The following NMT2 variants were observed in gnomAD, a reference collection of about 807,000 sequenced individuals.
NMT2 encodes the protein glycylpeptide N-tetradecanoyltransferase 2.
A neutral mutation model predicts 65.4 loss-of-function variants in NMT2; 35 were observed. The observed-to-expected ratio is 0.54, with a 90% confidence interval of 0.41 to 0.71. NMT2 has a LOEUF of 0.71. Among genes scored for constraint, NMT2 ranks in the 30% least tolerant of loss-of-function variants. NMT2 has a pLI of 0.00. For missense variants in NMT2, 489 were observed against 611.3 expected, an observed-to-expected ratio of 0.80 and a Z score of 2.11; for synonymous variants, 226 against 231.8, an observed-to-expected ratio of 0.98 and a Z score of 0.23.
intron 1 of NMT2, among the ~76,000 whole-genome samples, chr10:15,153,906 C>A (rs991390296): frequency 2.0e-5 from 3 of 148,360 alleles, no homozygotes; most frequent in Admixed American, 6.6e-5. Flanking sequence ...ACCCGCCTCG[C>A]CCCCCAAAGT....
intron 3 of NMT2, 31 bp from the exon 4 acceptor site, chr10:15,133,394 G>C (rs1359223118): frequency 6.0e-6 from 9 of 1,504,830 alleles, no homozygotes; most frequent in Non-Finnish European, 8.3e-6. Context: ...AAAAAAGAAA[G>C]GCAAAAAGCG....
chr10:15,112,834 G>A lies in NMT2; in HGVS notation c.1300C>T (p.Leu434=). The A allele has an allele frequency of 6.2e-7, 1 of 1,614,078 alleles. No homozygotes were observed. The highest frequency in any genetic ancestry group is 8.5e-7 in the Non-Finnish European group (1 of 1,179,984). The change falls in exon 10 of 12, where the codon CTG becomes TTG. Residue 434 remains leucine, a synonymous_variant. Transcript: ENST00000378165. The stretch of plus-strand genomic sequence containing the variant: ...ATGAGCGCGTCGCTCATGAGGTCCA[G>A]CAGGGGCGTCTCTGTGTGGATGTTG... ...FYNIHTETPL[L]DLMSDALILA...
At position 15,109,749 on chromosome 10, in the gene NMT2, G is replaced by A. The variant is rs751092719; in HGVS notation, c.1429C>T (p.Gln477Ter). 1 of 1,613,498 alleles carries A rather than the reference G, an allele frequency of 6.2e-7. No homozygotes were observed. Reference sequence around the variant, plus strand: ...CACCTCCAATTGTACAGGTAATACTGCAAATTGCCATCTCCTATACCAAAC... The same window carrying A: ...CACCTCCAATTGTACAGGTAATACTACAAATTGCCATCTCCTATACCAAAC... ...LKFGIGDGNLQYYLYNWRCPG... is the reference protein window; with the variant it reads ...LKFGIGDGNL The change falls in exon 11 of 12, where the codon CAG becomes TAG. Residue 477 changes from glutamine to a stop codon, truncating the protein, a stop_gained. Coordinates refer to ENST00000378165, the MANE Select transcript of NMT2 (RefSeq NM_004808.3). LOFTEE classifies it high-confidence loss of function.
chr10:15,135,223 T>C lies in NMT2; in HGVS notation c.391+51A>G, dbSNP rs918799429. 8 of 1,539,618 alleles carry C rather than the reference T, an allele frequency of 5.2e-6. No homozygotes were observed. In the African/African-American group the frequency reaches 1.1e-4, roughly 21 times the overall value. On this transcript the variant is annotated intron_variant, in intron 3 of 11. Transcript: ENST00000378165. ...GTTGTTGTTGTTGTTGTTGTTGTTG[T>C]TCATCCAGCTTTGTTTGTGGGGAAA...
Position 15,108,124 on chromosome 10 carries a change from T to G in NMT2, c.*1071A>C. 1.0e-6 allele frequency: 1 copy of G among 985,390 alleles called. No homozygotes were observed. The highest frequency in any genetic ancestry group is 1.2e-6 in the Non-Finnish European group (1 of 829,914). The allele number at this position is 985,390 out of a possible 1,614,324, so 61.0% of individuals were successfully genotyped here. A position where few individuals can be genotyped will look rare whatever the true frequency, so the allele number is the denominator to read the frequency against. On this transcript the variant is annotated 3_prime_UTR_variant, in exon 12 of 12. Transcript: ENST00000378165. ...TTTCTTCATATATCCTTGATGTTGC[T>G]GAGAAGAAACTGAACTTTGCACAAC...
chr10:15,164,821 C>CAGG, intron 1 of NMT2, among the ~76,000 whole-genome samples: 1 of 152,248 alleles, frequency 6.6e-6, no homozygotes, highest in South Asian at 2.1e-4. Context: ...CACCTGAGGT[C>CAGG]AGGAGTTCAA....
chr10:15,141,803 G>C (rs904589363), intron 1 of NMT2, among the ~76,000 whole-genome samples: 1 of 152,206 alleles, frequency 6.6e-6, no homozygotes, highest in Non-Finnish European at 1.5e-5. Context: ...GAAGATTGCA[G>C]AGATAAACCA....
rs746861363 is a variant in NMT2, at chr10:15,168,664, G to A, written c.-52C>T. 12 of 1,418,994 alleles carry A rather than the reference G, an allele frequency of 8.5e-6. No homozygotes were observed. In the South Asian group the frequency reaches 8.6e-5, roughly 10 times the overall value. 87.9% of individuals were successfully genotyped at this position (1,418,994 alleles called of 1,614,324 possible). ...TGCTCGGGGCCGGGCCGGAGCGGCC[G>A]CAGCTCCCTCTAGTGCCTCCCGCCG... On this transcript the variant is annotated 5_prime_UTR_variant, in exon 1 of 12. Coordinates refer to ENST00000378165, the MANE Select transcript of NMT2 (RefSeq NM_004808.3).
chr10:15,142,911 T>C (rs1846826671), intron 1 of NMT2, among the ~76,000 whole-genome samples: 1 of 152,224 alleles, frequency 6.6e-6, no homozygotes, highest in Non-Finnish European at 1.5e-5. Flanking sequence ...AGGACTATTT[T>C]AGGCTTTCCT....
chr10:15,155,265 T>G, intron 1 of NMT2: 1 of 1,459,250 alleles, frequency 6.9e-7, no homozygotes, highest in South Asian at 1.1e-5. Context: ...GAAGGAGACG[T>G]GCCCCAAGGC....
intron 1 of NMT2, among the ~76,000 whole-genome samples, chr10:15,159,484 C>G (rs543535465): frequency 6.7e-4 from 102 of 152,114 alleles, no homozygotes; most frequent in Admixed American, 4.3e-3. Flanking sequence ...ACAATCTCGG[C>G]TCACTGCAGT....
chr10:15,155,443 A>C, intron 1 of NMT2: 1 of 500,958 alleles, frequency 2.0e-6, no homozygotes, highest in Non-Finnish European at 3.6e-6. Context: ...ATCATAGCTC[A>C]CTGCAGCCTT....
At chr10:15,139,431 C>A (rs1330516840) in intron 2 of NMT2, among the ~76,000 whole-genome samples, 1 of 152,112 alleles carries the variant, frequency 6.6e-6, no homozygotes, top group Non-Finnish European at 1.5e-5. Context: ...GAAAGGCTCA[C>A]AGTCACTAGA....
Position 15,155,021 on chromosome 10 carries a change from C to T in NMT2, c.111-13464G>A, listed in dbSNP as rs376269758. 1.8e-5 allele frequency: 22 copies of T among 1,202,248 alleles called. No individual in the cohort carries two copies. In the East Asian group the frequency reaches 1.9e-4, roughly 10 times the overall value. 74.5% of individuals were successfully genotyped at this position (1,202,248 alleles called of 1,614,324 possible). A position where few individuals can be genotyped will look rare whatever the true frequency, so the allele number is the denominator to read the frequency against. ...TGGACAAGATGCCAGGACCTGTATG[C>T]TTCATGGACAAGATGCCAGGACCTG... On this transcript the variant is annotated intron_variant, in intron 1 of 11. Transcript: ENST00000378165.
At chr10:15,162,184 C>G (rs564807745) in intron 1 of NMT2, among the ~76,000 whole-genome samples, 125 of 140,844 alleles carry the variant, frequency 8.9e-4, no homozygotes, top group Non-Finnish European at 1.8e-4. Context: ...TCCAGGAGGT[C>G]AAGGCTGTAG....
At chr10:15,141,626 A>G in intron 1 of NMT2, 69 bp from the exon 2 acceptor site, 1 of 1,492,224 alleles carries the variant, frequency 6.7e-7, no homozygotes, top group Non-Finnish European at 9.0e-7. Flanking sequence ...TGAATTGCAT[A>G]CAATTAATCA....
At chr10:15,126,000 C>A (rs955247156) in intron 8 of NMT2, among the ~76,000 whole-genome samples, 1 of 151,938 alleles carries the variant, frequency 6.6e-6, no homozygotes, top group Admixed American at 6.6e-5. Flanking sequence ...CACAACACTT[C>A]AAACAAAAGA....
chr10:15,107,382 C>T lies in NMT2; in HGVS notation c.*1813G>A. ...CTGGACTCATAACTTGAAGGAAATG[C>T]CATCATGTCTAAAACAATTAACTTC... On this transcript the variant is annotated 3_prime_UTR_variant, in exon 12 of 12. Transcript: ENST00000378165. 1.0e-6 allele frequency: 1 copy of T among 985,414 alleles called. No homozygotes were observed. Among genetic ancestry groups the T allele is most frequent in the Non-Finnish European group, 1.2e-6 (1 of 829,940 alleles). 61.0% of individuals were successfully genotyped at this position (985,414 alleles called of 1,614,324 possible). A position where few individuals can be genotyped will look rare whatever the true frequency, so the allele number is the denominator to read the frequency against.
chr10:15,162,074 G>A (rs1300304796), intron 1 of NMT2, among the ~76,000 whole-genome samples: 1 of 151,982 alleles, frequency 6.6e-6, no homozygotes, highest in Admixed American at 6.6e-5. Context: ...ACAACATAGT[G>A]AGACCCTGTC....
Sources: allele counts gnomAD v4.1 joint callset (sites outside exome capture counted in the v4.1 genomes callset), GRCh38; gene constraint gnomAD v4.1.1; transcripts MANE v1.5; gene names NCBI Gene and HGNC (gene_info 2026-07-23, HGNC 2026-07-21).